Variants in NUBPL observed in about 807,000 individuals in gnomAD.
NUBPL encodes the protein NUBP iron-sulfur cluster assembly factor, mitochondrial.
NUBPL carries 31 observed loss-of-function variants against 45.7 expected under a neutral mutation model. The observed-to-expected ratio is 0.68, with a 90% confidence interval of 0.51 to 0.92. The LOEUF (loss-of-function observed/expected upper bound fraction) is 0.92, where lower values mean the gene tolerates loss of function less well. Among genes scored for constraint, NUBPL ranks in the 40% least tolerant of loss-of-function variants. The pLI is 0.00. For synonymous variants in NUBPL, 144 were observed against 140.9 expected (o/e 1.02, Z -0.15); for missense variants, 401 against 398.7 (o/e 1.01, Z -0.05).
chr14:31,657,119 G>T (rs2036159783), intron 4 of NUBPL, among the ~76,000 whole-genome samples: 1 of 152,066 alleles, frequency 6.6e-6, no homozygotes, highest in Non-Finnish European at 1.5e-5. Flanking sequence ...CTTTAATGTA[G>T]TCACTGTTCT....
At chr14:31,759,644 T>C (rs2038754257) in intron 6 of NUBPL, among the ~76,000 whole-genome samples, 1 of 151,842 alleles carries the variant, frequency 6.6e-6, no homozygotes, top group African/African-American at 2.4e-5. Context: ...TTTTCAACTT[T>C]ACCATGGTGT....
chr14:31,660,339 C>T (rs2036239601), intron 4 of NUBPL, among the ~76,000 whole-genome samples: 1 of 152,156 alleles, frequency 6.6e-6, no homozygotes, highest in Non-Finnish European at 1.5e-5. Flanking sequence ...ACACAGCCAC[C>T]TAAAGTTCTT....
chr14:31,561,764 G>C lies in NUBPL; in HGVS notation c.108+217G>C, dbSNP rs74040872. On this transcript the variant is annotated intron_variant, in intron 1 of 10. Transcript: ENST00000281081. The stretch of plus-strand genomic sequence containing the variant: ...TGTGGTATTCTACATTGCTTTCTTG[G>C]CTTTGGGTTATTTATCAAATAGATT... 855 of 581,458 alleles carry C rather than the reference G, an allele frequency of 1.5e-3. 6 individuals are homozygous for C. Among genetic ancestry groups the C allele is most frequent in the African/African-American group, 0.014 (757 of 53,346 alleles). 36.0% of individuals were successfully genotyped at this position (581,458 alleles called of 1,614,324 possible).
intron 4 of NUBPL, among the ~76,000 whole-genome samples, chr14:31,655,016 A>G (rs2036108258): frequency 6.6e-6 from 1 of 152,196 alleles, no homozygotes; most frequent in Admixed American, 6.5e-5. Flanking sequence ...TTGTTTTACC[A>G]TGAGATTGCA....
intron 4 of NUBPL, among the ~76,000 whole-genome samples, chr14:31,634,541 A>G (rs996354331): frequency 6.6e-5 from 10 of 152,092 alleles, no homozygotes; most frequent in Non-Finnish European, 1.3e-4. Context: ...TAGTGCTGCT[A>G]TAAACATACG....
chr14:31,812,836 AAGACAGAC>A (rs375802076), intron 7 of NUBPL, among the ~76,000 whole-genome samples: 4 of 152,138 alleles, frequency 2.6e-5, no homozygotes, highest in Non-Finnish European at 5.9e-5. Context: ...AAGGAGAATG[AAGACAGAC>A]AGACAGACAG....
At chr14:31,599,162 AT>A (rs1286690256) in intron 3 of NUBPL, 126 bp from the exon 4 acceptor site, 9 of 736,994 alleles carry the variant, frequency 1.2e-5, no homozygotes, top group Non-Finnish European at 2.1e-5. Flanking sequence ...GATTTGTAAT[AT>A]TTTGCCAATT....
chr14:31,841,159 A>G (rs2040364090), intron 8 of NUBPL, among the ~76,000 whole-genome samples: 1 of 152,174 alleles, frequency 6.6e-6, no homozygotes. Context: ...ATTGTTGGAC[A>G]TGTCTTTTAG....
chr14:31,669,471 TA>T (rs1210999788), intron 4 of NUBPL, among the ~76,000 whole-genome samples: 21 of 149,796 alleles, frequency 1.4e-4, no homozygotes, highest in African/African-American at 5.3e-4. Flanking sequence ...TTTTTTTTTT[TA>T]AACTTTTATT....
At chr14:31,672,487 A>G (rs1050539674) in intron 4 of NUBPL, among the ~76,000 whole-genome samples, 1 of 152,106 alleles carries the variant, frequency 6.6e-6, no homozygotes, top group Non-Finnish European at 1.5e-5. Context: ...TTTTTGAGAC[A>G]GAGTCTTGTT....
chr14:31,756,978 G>T (rs1479873669), intron 6 of NUBPL, among the ~76,000 whole-genome samples: 1 of 150,916 alleles, frequency 6.6e-6, no homozygotes, highest in Non-Finnish European at 1.5e-5. Context: ...TTTGTCTTTG[G>T]TTCTGTTTAT....
intron 6 of NUBPL, among the ~76,000 whole-genome samples, chr14:31,777,272 A>G (rs572975240): frequency 4.6e-4 from 70 of 152,346 alleles, no homozygotes; most frequent in African/African-American, 1.5e-3. Flanking sequence ...ATTGCATCCC[A>G]TCATGGTGCC....
At chr14:31,849,260 G>A (rs912897143) in intron 9 of NUBPL, among the ~76,000 whole-genome samples, 1 of 152,188 alleles carries the variant, frequency 6.6e-6, no homozygotes, top group Non-Finnish European at 1.5e-5. Flanking sequence ...ATACACGTAT[G>A]TTTTAATAAC....
At chr14:31,730,499 C>T (rs569481625) in intron 6 of NUBPL, among the ~76,000 whole-genome samples, 2 of 150,512 alleles carry the variant, frequency 1.3e-5, no homozygotes, top group South Asian at 2.1e-4. Context: ...AGTCTTGCAC[C>T]GTCGCCCAGG....
chr14:31,641,908 T>A (rs554850176), intron 4 of NUBPL, among the ~76,000 whole-genome samples: 9 of 152,364 alleles, frequency 5.9e-5, no homozygotes, highest in African/African-American at 2.2e-4. Context: ...ATTGTGGTTT[T>A]GATTTGCATT....
At chr14:31,807,088 G>GC (rs1433968806) in intron 7 of NUBPL, among the ~76,000 whole-genome samples, 9 of 152,176 alleles carry the variant, frequency 5.9e-5, no homozygotes, top group Admixed American at 5.9e-4. Context: ...ACATATGTGT[G>GC]CATGTGTCTT....
intron 4 of NUBPL, among the ~76,000 whole-genome samples, chr14:31,665,595 C>T (rs933632574): frequency 3.3e-5 from 5 of 152,102 alleles, no homozygotes; most frequent in Admixed American, 2.0e-4. Flanking sequence ...GAGAGAGAGA[C>T]TGTTTGTTAT....
chr14:31,599,317 A>T lies in NUBPL; in HGVS notation c.320A>T (p.Asp107Val). The change falls in exon 4 of 11, where the codon GAT becomes GTT. Residue 107 changes from aspartate to valine, a missense_variant. Coordinates refer to ENST00000281081, the MANE Select transcript of NUBPL (RefSeq NM_025152.3). ...AAGGCCATTGGTTTGCTAGATGTGG[A>T]TGTGTATGGACCTTCAGTTCCAAAG... Reference protein sequence around the residue: ...SSKAIGLLDVDVYGPSVPKMM... With the variant: ...SSKAIGLLDVVVYGPSVPKMM... 6.2e-7 allele frequency: 1 copy of T among 1,612,700 alleles called. No homozygotes were observed. Among genetic ancestry groups the T allele is most frequent in the Non-Finnish European group, 8.5e-7 (1 of 1,179,198 alleles).
chr14:31,827,406 T>C (rs1435423439), intron 8 of NUBPL, among the ~76,000 whole-genome samples: 1 of 149,050 alleles, frequency 6.7e-6, no homozygotes, highest in East Asian at 2.0e-4. Context: ...CAGAGAGAAA[T>C]ATCTTCCCTA....
Sources: gnomAD v4.1 joint callset for allele counts (sites outside exome capture counted in the v4.1 genomes callset) on GRCh38, gnomAD v4.1.1 for gene constraint, MANE v1.5 for transcripts, NCBI Gene and HGNC (gene_info 2026-07-23, HGNC 2026-07-21) for gene names.